GABRA5: variants seen among roughly 807,000 people sequenced by gnomAD.
GABRA5 encodes the protein gamma-aminobutyric acid type A receptor subunit alpha5.
In GABRA5, 18 loss-of-function variants were observed where a neutral mutation model predicts 47.3. The observed-to-expected ratio is 0.38, with a 90% CI of 0.26 to 0.56. GABRA5 has a LOEUF of 0.56. Among genes scored for constraint, GABRA5 ranks in the 20% least tolerant of loss-of-function variants. The probability of loss-of-function intolerance (pLI) is 0.71; values close to 1 mark genes in which losing one functional copy is unlikely to be tolerated. For synonymous variants in GABRA5, 237 were observed against 229.3 expected (o/e 1.03, Z -0.30); for missense variants, 365 against 599.3 (o/e 0.61, Z 4.08).
At chr15:26,909,428 AC>A (rs1893525397) in intron 6 of GABRA5, among the ~76,000 whole-genome samples, 2 of 152,140 alleles carry the variant, frequency 1.3e-5, no homozygotes, top group African/African-American at 4.8e-5. Context: ...ATCTTTGGAG[AC>A]CACCATTTTG....
intron 6 of GABRA5, among the ~76,000 whole-genome samples, chr15:26,912,125 C>T (rs368699109): frequency 2.6e-5 from 4 of 152,160 alleles, no homozygotes; most frequent in South Asian, 4.1e-4. Context: ...CACAGGCGAT[C>T]GCAAAGCATG....
At chr15:26,887,951 C>A (rs1892918545) in intron 6 of GABRA5, among the ~76,000 whole-genome samples, 1 of 152,096 alleles carries the variant, frequency 6.6e-6, no homozygotes, top group Non-Finnish European at 1.5e-5. Flanking sequence ...TGAAAATACA[C>A]AATAAATTAC....
intron 6 of GABRA5, among the ~76,000 whole-genome samples, chr15:26,904,714 C>A (rs1216239573): frequency 6.6e-6 from 1 of 152,004 alleles, no homozygotes; most frequent in African/African-American, 2.4e-5. Flanking sequence ...GTATTTCATT[C>A]TTTTTGTGGT....
At chr15:26,876,286 G>A (rs1892595508) in intron 3 of GABRA5, among the ~76,000 whole-genome samples, 2 of 152,256 alleles carry the variant, frequency 1.3e-5, no homozygotes, top group South Asian at 4.1e-4. Context: ...GTGTGGACCT[G>A]AGGTGTTTCC....
intron 6 of GABRA5, among the ~76,000 whole-genome samples, chr15:26,891,399 AT>A (rs1893001862): frequency 6.6e-6 from 1 of 152,208 alleles, no homozygotes; most frequent in African/African-American, 2.4e-5. Flanking sequence ...TCACATGGCA[AT>A]TAGCCCATCG....
Position 26,883,018 on chromosome 15 carries a change from T to C in GABRA5, c.209-148T>C. On this transcript the variant is annotated intron_variant, in intron 4 of 10. Transcript: ENST00000335625. The surrounding 1 kb of genome is among the most constrained non-coding windows in gnomAD (Gnocchi z 4.8). ...CGGGGAGCAGCTCGATTTCATCTGG[T>C]AATTGTCAAGTCCTCCAAATTTACC... The C allele has an allele frequency of 2.8e-6, 2 of 722,418 alleles. No individual in the cohort carries two copies. 44.8% of individuals were successfully genotyped at this position (722,418 alleles called of 1,614,324 possible). A position where few individuals can be genotyped will look rare whatever the true frequency, so the allele number is the denominator to read the frequency against.
chr15:26,918,537 T>C (rs1281141046), intron 7 of GABRA5, among the ~76,000 whole-genome samples: 1 of 152,200 alleles, frequency 6.6e-6, no homozygotes, highest in East Asian at 1.9e-4. Context: ...TATCCATAAC[T>C]GAGAGAGAGG....
intron 3 of GABRA5, among the ~76,000 whole-genome samples, chr15:26,878,359 AC>A (rs1383078472): frequency 5.3e-5 from 8 of 152,194 alleles, no homozygotes; most frequent in African/African-American, 1.9e-4. Context: ...GGCTGAGAAA[AC>A]ACAGCATTTG....
At position 26,868,557 on chromosome 15, in the gene GABRA5, A is replaced by G. The variant is rs148180734; in HGVS notation, c.-139-172A>G. Among the ~76,000 whole-genome samples the G allele has an allele frequency of 3.2e-3, 483 of 152,330 alleles. 4 individuals are homozygous for G. Among genetic ancestry groups the G allele is most frequent in the African/African-American group, 0.011 (459 of 41,574 alleles). ...TCAAATACATTAATTAGGGTCCAGC[A>G]TTGAGTGGAGAGACTTCCACAGATG... On this transcript the variant is annotated intron_variant, in intron 1 of 10. Transcript: ENST00000335625.
At chr15:26,875,630 T>C (rs1892577147) in intron 3 of GABRA5, among the ~76,000 whole-genome samples, 1 of 152,014 alleles carries the variant, frequency 6.6e-6, no homozygotes, top group African/African-American at 2.4e-5. Context: ...AATCCCAGGC[T>C]GTGTGGCAGG....
intron 6 of GABRA5, among the ~76,000 whole-genome samples, chr15:26,888,890 A>G (rs1055369097): frequency 6.6e-6 from 1 of 152,164 alleles, no homozygotes; most frequent in African/African-American, 2.4e-5. Context: ...TGTGACTGCA[A>G]CAGGCAAGGA....
chr15:26,926,084 T>A (rs558648870), intron 7 of GABRA5, among the ~76,000 whole-genome samples: 2 of 152,182 alleles, frequency 1.3e-5, no homozygotes, highest in Admixed American at 1.3e-4. Flanking sequence ...TTTAGGTTCT[T>A]CAAGCAAGGG....
chr15:26,939,424 T>C (rs1348550024), intron 8 of GABRA5: 1 of 765,000 alleles, frequency 1.3e-6, no homozygotes. Flanking sequence ...CAGAGCCTCC[T>C]GAGCTGCTGC....
chr15:26,940,148 A>G (rs747303013), intron 9 of GABRA5, 71 bp downstream of exon 9: 35 of 1,391,224 alleles, frequency 2.5e-5, no homozygotes, highest in Non-Finnish European at 3.4e-5. Context: ...AAGCAACAGC[A>G]ACAACCTCCA....
intron 7 of GABRA5, among the ~76,000 whole-genome samples, chr15:26,924,977 T>C (rs1193934354): frequency 1.3e-5 from 2 of 152,186 alleles, no homozygotes; most frequent in African/African-American, 4.8e-5. Context: ...TTCAGATTTT[T>C]CCTACATTTA....
rs770136651 is a variant in GABRA5, at chr15:26,943,255, C to T, written c.918C>T (p.Ser306=). 92 of 1,562,782 alleles carry T rather than the reference C, an allele frequency of 5.9e-5. No individual in the cohort carries two copies. Among genetic ancestry groups the T allele is most frequent in the East Asian group, 3.8e-4 (16 of 41,666 alleles). Residue 306 remains serine (S), a synonymous_variant, in exon 10 of 11, where the codon AGC becomes AGT. Transcript: ENST00000335625. ...TGACCATGACGACCCTCAGCATCAG[C>T]GCCAGGAACTCTCTGCCCAAAGTGG... ...TVLTMTTLSI[S]ARNSLPKVAY...
intron 6 of GABRA5, among the ~76,000 whole-genome samples, chr15:26,893,748 C>T (rs1307086407): frequency 6.6e-6 from 1 of 152,026 alleles, no homozygotes; most frequent in African/African-American, 2.4e-5. Flanking sequence ...GTGAGGGGAG[C>T]AGGGCCCGGC....
chr15:26,913,836 C>T (rs978842505), intron 6 of GABRA5, among the ~76,000 whole-genome samples: 7 of 152,152 alleles, frequency 4.6e-5, no homozygotes, highest in Non-Finnish European at 7.4e-5. Flanking sequence ...CTGCCTATGC[C>T]GCCTGTGGTG....
intron 3 of GABRA5, among the ~76,000 whole-genome samples, chr15:26,870,888 T>A (rs1182165457): frequency 6.6e-6 from 1 of 152,214 alleles, no homozygotes; most frequent in Non-Finnish European, 1.5e-5. Flanking sequence ...AAACTTATAT[T>A]TTCTTTAAAA....
Sources: allele counts gnomAD v4.1 joint callset (sites outside exome capture counted in the v4.1 genomes callset), GRCh38; gene constraint gnomAD v4.1.1; non-coding constraint Gnocchi (gnomAD v3.1); transcripts MANE v1.5; gene names NCBI Gene and HGNC (gene_info 2026-07-23, HGNC 2026-07-21).